The following ZNRF2 variants were observed in gnomAD, a reference collection of about 807,000 sequenced individuals.
ZNRF2 encodes the protein zinc and ring finger 2.
A neutral mutation model predicts 20.4 loss-of-function variants in ZNRF2; 16 were observed. The ratio of observed to expected loss-of-function variants is 0.79; its 90% CI spans 0.53 to 1.19. The LOEUF (loss-of-function observed/expected upper bound fraction) is 1.19, where lower values mean the gene tolerates loss of function less well. Ranked by LOEUF, ZNRF2 falls within the 50% of genes most tolerant of loss-of-function variation. The probability of loss-of-function intolerance (pLI) is 0.00; values close to 1 mark genes in which losing one functional copy is unlikely to be tolerated. For missense variants in ZNRF2, 363 were observed against 332.4 expected (o/e 1.09, Z -0.72); for synonymous variants, 178 against 144.9 (o/e 1.23, Z -1.64).
At chr7:30,356,806 C>T (rs939504739) in intron 3 of ZNRF2, among the ~76,000 whole-genome samples, 1 of 150,024 alleles carries the variant, frequency 6.7e-6, no homozygotes, top group East Asian at 2.0e-4. Flanking sequence ...CCTGGGTTCA[C>T]GCCATTCTCC....
chr7:30,336,831 A>G (rs980080127), intron 2 of ZNRF2, among the ~76,000 whole-genome samples: 13 of 152,158 alleles, frequency 8.5e-5, no homozygotes, highest in Non-Finnish European at 1.8e-4. Context: ...TAAGAGAAGC[A>G]TATATATTTT....
intron 1 of ZNRF2, among the ~76,000 whole-genome samples, chr7:30,293,568 T>C (rs1798951789): frequency 6.6e-6 from 1 of 152,130 alleles, no homozygotes; most frequent in Admixed American, 6.5e-5. Context: ...ATCAGCGACA[T>C]GGGATTGCCA....
intron 3 of ZNRF2, among the ~76,000 whole-genome samples, chr7:30,361,855 T>A (rs767591464): frequency 1.3e-5 from 2 of 152,218 alleles, no homozygotes; most frequent in Admixed American, 6.5e-5. Context: ...CATAAAATAC[T>A]TCCTAAATAC....
intron 1 of ZNRF2, among the ~76,000 whole-genome samples, chr7:30,303,274 AAAAG>A (rs1395172154): frequency 2.0e-5 from 3 of 151,812 alleles, no homozygotes; most frequent in Non-Finnish European, 2.9e-5. Flanking sequence ...AAAAAAAAAA[AAAAG>A]AAAAAGAAAA....
At chr7:30,313,742 G>T (rs184605499) in intron 1 of ZNRF2, among the ~76,000 whole-genome samples, 2 of 152,114 alleles carry the variant, frequency 1.3e-5, no homozygotes, top group East Asian at 1.9e-4. Flanking sequence ...CATCAGTGAA[G>T]AATAAAAAAC....
intron 3 of ZNRF2, 59 bp from the exon 4 acceptor site, chr7:30,362,318 C>G (rs1800138924): frequency 8.6e-7 from 1 of 1,167,654 alleles, no homozygotes; most frequent in South Asian, 1.8e-5. Context: ...TACTGTGGCT[C>G]TCATTATATA....
intron 1 of ZNRF2, among the ~76,000 whole-genome samples, chr7:30,311,128 A>G (rs1799285894): frequency 6.6e-6 from 1 of 152,170 alleles, no homozygotes; most frequent in Non-Finnish European, 1.5e-5. Flanking sequence ...GTAAGCCTCC[A>G]GTAAAACCCC....
intron 1 of ZNRF2, among the ~76,000 whole-genome samples, chr7:30,304,802 TTA>T (rs1371174641): frequency 6.6e-6 from 1 of 152,024 alleles, no homozygotes; most frequent in African/African-American, 2.4e-5. Flanking sequence ...CACCAAAAAG[TTA>T]TAGGAAAATG....
chr7:30,286,781 T>C (rs1245335786), intron 1 of ZNRF2, among the ~76,000 whole-genome samples: 1 of 152,220 alleles, frequency 6.6e-6, no homozygotes, highest in East Asian at 1.9e-4. Flanking sequence ...AAGATAAGCA[T>C]TCCCATTTCA....
At chr7:30,305,099 T>C (rs1472926953) in intron 1 of ZNRF2, among the ~76,000 whole-genome samples, 1 of 152,202 alleles carries the variant, frequency 6.6e-6, no homozygotes, top group Non-Finnish European at 1.5e-5. Flanking sequence ...CAGTGTGCAG[T>C]TGCACATCTC....
At chr7:30,341,058 T>C (rs1272125265) in intron 2 of ZNRF2, among the ~76,000 whole-genome samples, 1 of 152,208 alleles carries the variant, frequency 6.6e-6, no homozygotes, top group Non-Finnish European at 1.5e-5. Flanking sequence ...CTGATGGTAG[T>C]CTGTATTTCT....
At chr7:30,321,073 C>T (rs1230211954) in intron 1 of ZNRF2, among the ~76,000 whole-genome samples, 2 of 152,088 alleles carry the variant, frequency 1.3e-5, no homozygotes, top group Non-Finnish European at 2.9e-5. Flanking sequence ...TATTTTCTTC[C>T]CTGCCCGTTG....
intron 1 of ZNRF2, among the ~76,000 whole-genome samples, chr7:30,323,191 G>T (rs1369440434): frequency 2.0e-5 from 3 of 152,090 alleles, no homozygotes; most frequent in African/African-American, 4.8e-5. Context: ...AAATTTTAAG[G>T]TTATTGAGGT....
intron 1 of ZNRF2, among the ~76,000 whole-genome samples, chr7:30,320,015 A>G (rs553828881): frequency 2.0e-5 from 3 of 152,138 alleles, no homozygotes; most frequent in African/African-American, 4.8e-5. Context: ...AGAATCGTGC[A>G]TGTGTGTACT....
chr7:30,352,710 C>G (rs1450067310), intron 2 of ZNRF2, among the ~76,000 whole-genome samples: 1 of 151,966 alleles, frequency 6.6e-6, no homozygotes, highest in Non-Finnish European at 1.5e-5. Flanking sequence ...TGAGTTTTGG[C>G]TAGTTAGTAG....
Position 30,285,630 on chromosome 7 carries a change from G to A in ZNRF2, c.273G>A (p.Ala91=), listed in dbSNP as rs1798768815. 2.4e-6 allele frequency: 3 copies of A among 1,257,874 alleles called. No homozygotes were observed. The highest frequency in any genetic ancestry group is 3.0e-6 in the Non-Finnish European group (3 of 1,005,184). The allele number at this position is 1,257,874 out of a possible 1,614,324, so 77.9% of individuals were successfully genotyped here. The change falls in exon 1 of 5, where the codon GCG becomes GCA. Residue 91 remains alanine, a synonymous_variant. Coordinates refer to ENST00000323037, the MANE Select transcript of ZNRF2 (RefSeq NM_147128.4). The part of the protein sequence containing the change: ...RSLGGAVGSV[A]SGARAAQSPF... ...TCGGCGGGGCCGTGGGGAGCGTGGC[G>A]TCGGGGGCCCGCGCGGCGCAGTCCC...
At chr7:30,362,887 G>A (rs1347105219) in intron 4 of ZNRF2, among the ~76,000 whole-genome samples, 1 of 152,322 alleles carries the variant, frequency 6.6e-6, no homozygotes, top group South Asian at 2.1e-4. Flanking sequence ...GGAAGCCGAG[G>A]CGGGCGGGTC....
rs913804860 is a variant in ZNRF2, at chr7:30,320,205, T to C, written c.470-3437T>C. On this transcript the variant is annotated intron_variant, in intron 1 of 4. Coordinates refer to ENST00000323037, the MANE Select transcript of ZNRF2 (RefSeq NM_147128.4). ...CCCAAATAATTATCTATATATGTTA[T>C]ATATGTAGATCTCTATACAGATCTT... is the stretch of plus-strand genomic sequence containing the variant. Among the ~76,000 whole-genome samples, 7 of 152,210 alleles carry C rather than the reference T, an allele frequency of 4.6e-5. 1 individual carries two copies. The South Asian group carries it at 8.3e-4, about 18-fold the overall frequency.
intron 2 of ZNRF2, among the ~76,000 whole-genome samples, chr7:30,339,727 C>T (rs573843854): frequency 3.5e-4 from 53 of 152,064 alleles, no homozygotes; most frequent in African/African-American, 1.0e-3. Context: ...TTTTTGCTTA[C>T]GATTGTCTTG....
Sources: allele counts gnomAD v4.1 joint callset (sites outside exome capture counted in the v4.1 genomes callset), GRCh38; gene constraint gnomAD v4.1.1; transcripts MANE v1.5; gene names NCBI Gene and HGNC (gene_info 2026-07-23, HGNC 2026-07-21).